Variants in GTF3C3 observed in about 807,000 individuals in gnomAD.
GTF3C3 encodes the protein general transcription factor IIIC subunit 3.
GTF3C3 carries 75 observed loss-of-function variants against 105.2 expected under a neutral mutation model. That is an observed-to-expected ratio of 0.71 (90% CI 0.59 to 0.86). GTF3C3 has a LOEUF of 0.86. GTF3C3 is among the 40% of genes least tolerant of loss of function. The pLI is 0.00. For missense variants in GTF3C3, 856 were observed against 1,076.5 expected (o/e 0.80, Z 2.87); for synonymous variants, 335 against 370.4 (o/e 0.90, Z 1.10).
At chr2:196,790,874 T>C (rs1011716418) in intron 4 of GTF3C3, among the ~76,000 whole-genome samples, 1 of 151,936 alleles carries the variant, frequency 6.6e-6, no homozygotes, top group Non-Finnish European at 1.5e-5. Flanking sequence ...ACAATAAATA[T>C]AAGTAATTAG....
chr2:196,798,213 G>A (rs2125753810), intron 1 of GTF3C3, among the ~76,000 whole-genome samples: 1 of 152,168 alleles, frequency 6.6e-6, no homozygotes, highest in East Asian at 1.9e-4. Context: ...TTTCATTAAT[G>A]AACATATTGT....
intron 16 of GTF3C3, 65 bp downstream of exon 16, chr2:196,769,850 A>C: frequency 7.3e-7 from 1 of 1,373,218 alleles, no homozygotes; most frequent in East Asian, 2.4e-5. Context: ...TTTTTAAAAA[A>C]AGTATTAAGT....
chr2:196,781,350 AAAAAAAAAT>A (rs1457271551), intron 8 of GTF3C3, among the ~76,000 whole-genome samples: 10 of 89,952 alleles, frequency 1.1e-4, no homozygotes, highest in Admixed American at 3.7e-4. Flanking sequence ...GGGAAAAAAA[AAAAAAAAAT>A]ATATATATAT....
chr2:196,793,291 A>C, intron 2 of GTF3C3, 139 bp from the exon 3 acceptor site: 1 of 619,822 alleles, frequency 1.6e-6, no homozygotes, highest in South Asian at 2.2e-5. Context: ...ACACCCTCAA[A>C]AACCAAACCA....
intron 16 of GTF3C3, 42 bp from the exon 17 acceptor site, chr2:196,766,759 G>A: frequency 1.3e-6 from 2 of 1,517,446 alleles, no homozygotes. Context: ...TCACTGATTT[G>A]ACAATTATGT....
At chr2:196,771,639 A>C in intron 15 of GTF3C3, 109 bp downstream of exon 15, 1 of 675,418 alleles carries the variant, frequency 1.5e-6, no homozygotes, top group Non-Finnish European at 2.6e-6. Context: ...AGGAGGTAGA[A>C]TAATTTGTCA....
chr2:196,793,119 T>TG lies in GTF3C3; in HGVS notation c.247dup (p.His83ProfsTer12). On this transcript the variant is annotated frameshift_variant, in exon 3 of 18. Coordinates refer to ENST00000263956, the MANE Select transcript of GTF3C3 (RefSeq NM_012086.5). LOFTEE classifies it high-confidence loss of function. ...TCCAAGCATGGAAGCAAAGACCTTGTGAACTGACTTCCTCACTCCATCTGA... is the reference window on the plus strand; with the variant it reads ...TCCAAGCATGGAAGCAAAGACCTTGTGGAACTGACTTCCTCACTCCATCTGA... 6.2e-7 allele frequency: 1 copy of TG among 1,613,700 alleles called. No homozygotes were observed. The highest frequency in any genetic ancestry group is 8.5e-7 in the Non-Finnish European group (1 of 1,179,690).
intron 17 of GTF3C3, 117 bp from the exon 18 acceptor site, chr2:196,764,802 T>A: frequency 1.3e-6 from 1 of 795,822 alleles, no homozygotes; most frequent in Non-Finnish European, 1.9e-6. Context: ...TTAAAGCTCA[T>A]GTACTAAAAA....
intron 9 of GTF3C3, 139 bp downstream of exon 9, chr2:196,780,420 A>C (rs531264552): frequency 7.6e-7 from 1 of 1,314,268 alleles, no homozygotes; most frequent in African/African-American, 1.5e-5. Context: ...TTCATACAAA[A>C]TTATTTGATG....
At chr2:196,797,998 G>C in intron 1 of GTF3C3, 90 bp from the exon 2 acceptor site, 3 of 761,476 alleles carry the variant, frequency 3.9e-6, no homozygotes, top group Non-Finnish European at 6.9e-6. Flanking sequence ...TCCTAGCTTT[G>C]CCACTCGGGC....
At chr2:196,781,357 A>AAAAAAAAAAAAAAAATATAT in intron 8 of GTF3C3, among the ~76,000 whole-genome samples, 5 of 18,820 alleles carry the variant, frequency 2.7e-4, no homozygotes, top group Non-Finnish European at 4.5e-4. Flanking sequence ...AAAAAAAAAA[A>AAAAAAAAAAAAAAAATATAT]ATATATATAT....
chr2:196,780,479 A>G (rs1699328423), intron 9 of GTF3C3, 80 bp downstream of exon 9: 1 of 1,477,648 alleles, frequency 6.8e-7, no homozygotes, highest in South Asian at 1.5e-5. Context: ...TCTAGGGTCA[A>G]GTTATAATTT....
intron 16 of GTF3C3, among the ~76,000 whole-genome samples, chr2:196,769,596 A>G (rs985720544): frequency 2.6e-5 from 4 of 152,190 alleles, no homozygotes; most frequent in African/African-American, 9.6e-5. Flanking sequence ...ACTTTAAGTG[A>G]ATCTTCAGTA....
rs1699256399 is a variant in GTF3C3, at chr2:196,776,179, AG to A, written c.1594-69del. 2 of 901,048 alleles carry A rather than the reference AG, an allele frequency of 2.2e-6. No individual in the cohort carries two copies. Among genetic ancestry groups the A allele is most frequent in the Non-Finnish European group, 3.5e-6 (2 of 578,134 alleles). The allele number at this position is 901,048 out of a possible 1,614,324, so 55.8% of individuals were successfully genotyped here. ...TTTCTACAAATTGTTTTATTTGCAT[AG>A]AAACATTTTTAAAAAAACAAACCAT... On this transcript the variant is annotated intron_variant, in intron 11 of 17. Transcript: ENST00000263956. This position sits in a 1 kb window ranked among gnomAD's most constrained non-coding sequence, Gnocchi z 4.5.
chr2:196,793,109 A>G lies in GTF3C3; in HGVS notation c.258T>C (p.Phe86=). 1 of 1,613,846 alleles carries G rather than the reference A, an allele frequency of 6.2e-7. No homozygotes were observed. The highest frequency in any genetic ancestry group is 8.5e-7 in the Non-Finnish European group (1 of 1,179,828). ...CTTCATTCTCTCCAAGCATGGAAGC[A>G]AAGACCTTGTGAACTGACTTCCTCA... is the stretch of plus-strand genomic sequence containing the variant. ...DGVRKSVHKV[F]ASMLGENEDD... Residue 86 remains phenylalanine (F), a synonymous_variant, in exon 3 of 18, where the codon TTT becomes TTC. Coordinates refer to ENST00000263956, the MANE Select transcript of GTF3C3 (RefSeq NM_012086.5).
At chr2:196,796,759 A>C (rs1699653935) in intron 2 of GTF3C3, among the ~76,000 whole-genome samples, 1 of 152,160 alleles carries the variant, frequency 6.6e-6, no homozygotes. Context: ...ATAAGTGAGA[A>C]CATGCGGTGT....
intron 2 of GTF3C3, among the ~76,000 whole-genome samples, chr2:196,796,323 C>T (rs913224925): frequency 2.0e-5 from 3 of 152,196 alleles, no homozygotes; most frequent in African/African-American, 7.2e-5. Flanking sequence ...TCAGCTCACT[C>T]CTTTTTTAGG....
chr2:196,764,747 G>A, intron 17 of GTF3C3, 62 bp from the exon 18 acceptor site: 2 of 1,428,240 alleles, frequency 1.4e-6, no homozygotes, highest in South Asian at 1.3e-5. Flanking sequence ...ACAATTTTAT[G>A]GCAAATTAAT....
chr2:196,775,485 A>G (rs982345369), intron 12 of GTF3C3, among the ~76,000 whole-genome samples: 6 of 152,234 alleles, frequency 3.9e-5, no homozygotes, highest in Admixed American at 1.3e-4. Context: ...AAGCTCCCTT[A>G]GTAAGAAAAA....
Sources: allele counts gnomAD v4.1 joint callset (sites outside exome capture counted in the v4.1 genomes callset), GRCh38; gene constraint gnomAD v4.1.1; non-coding constraint Gnocchi (gnomAD v3.1); transcripts MANE v1.5; gene names NCBI Gene and HGNC (gene_info 2026-07-23, HGNC 2026-07-21).